The following FGFRL1 variants were observed in gnomAD, a reference collection of about 807,000 sequenced individuals.
FGFRL1 encodes fibroblast growth factor receptor-like 1.
A neutral mutation model predicts 36.8 loss-of-function variants in FGFRL1; 24 were observed. The observed-to-expected ratio is 0.65, with a 90% confidence interval of 0.47 to 0.92. The LOEUF is 0.92. Ranked by LOEUF, FGFRL1 falls within the 40% of genes least tolerant of loss-of-function variation. The probability of loss-of-function intolerance (pLI) is 0.00; values close to 1 mark genes in which losing one functional copy is unlikely to be tolerated. For missense variants in FGFRL1, 785 were observed against 753.4 expected (o/e 1.04, Z -0.49); for synonymous variants, 422 against 344.1 (o/e 1.23, Z -2.50).
rs377108343 is a variant in FGFRL1, at chr4:1,025,786, C to T, written c.*439C>T. The stretch of plus-strand genomic sequence containing the variant: ...CGCACACACGTGCAGATATGGTATC[C>T]GGACACACACGTGCACAGATATGCT... On this transcript the variant is annotated 3_prime_UTR_variant, in exon 7 of 7. Coordinates refer to ENST00000510644, the MANE Select transcript of FGFRL1 (RefSeq NM_001004356.3). The T allele has an allele frequency of 8.9e-4, 202 of 227,274 alleles. 4 individuals are homozygous for T. The highest frequency in any genetic ancestry group is 2.4e-4 in the Non-Finnish European group (28 of 119,100). 14.1% of individuals were successfully genotyped at this position (227,274 alleles called of 1,614,324 possible).
chr4:1,023,757 C>G lies in FGFRL1; in HGVS notation c.433+36C>G. 1.3e-6 allele frequency: 2 copies of G among 1,548,288 alleles called. No individual in the cohort carries two copies. The highest frequency in any genetic ancestry group is 1.7e-6 in the Non-Finnish European group (2 of 1,146,630). ...GGTGACGGGGGTGGGGGGCGTCCGT[C>G]TGTCCCGGCCCCTTGGCTGCATCCC... On this transcript the variant is annotated intron_variant, in intron 4 of 6. Coordinates refer to ENST00000510644, the MANE Select transcript of FGFRL1 (RefSeq NM_001004356.3). The surrounding 1 kb of genome is among the most constrained non-coding windows in gnomAD (Gnocchi z 6.0).
intron 2 of FGFRL1, among the ~76,000 whole-genome samples, chr4:1,018,072 C>T (rs1715986831): frequency 6.6e-6 from 1 of 152,168 alleles, no homozygotes; most frequent in Non-Finnish European, 1.5e-5. Context: ...GAGGGCACTT[C>T]AGATGGGGCA....
chr4:1,017,632 G>T (rs1715959104), intron 2 of FGFRL1, among the ~76,000 whole-genome samples: 1 of 152,210 alleles, frequency 6.6e-6, no homozygotes, highest in South Asian at 2.1e-4. Context: ...AGGGTGCACT[G>T]GAAAGTTGGA....
In FGFRL1 at chr4:1,025,853, C is replaced by T. The variant is rs756451035; in HGVS notation, c.*506C>T. 4.9e-5 allele frequency: 9 copies of T among 182,830 alleles called. No homozygotes were observed. Among genetic ancestry groups the T allele is most frequent in the South Asian group, 1.2e-4 (1 of 8,542 alleles). 11.3% of individuals were successfully genotyped at this position (182,830 alleles called of 1,614,324 possible). A position where few individuals can be genotyped will look rare whatever the true frequency, so the allele number is the denominator to read the frequency against. The stretch of plus-strand genomic sequence containing the variant: ...AATGCTGCCTTGACACACACATGCA[C>T]GGATATTGCCTGGACACACACACAC... On this transcript the variant is annotated 3_prime_UTR_variant, in exon 7 of 7. Coordinates refer to ENST00000510644, the MANE Select transcript of FGFRL1 (RefSeq NM_001004356.3).
intron 2 of FGFRL1, among the ~76,000 whole-genome samples, chr4:1,021,921 G>A (rs973277328): frequency 2.6e-5 from 4 of 152,204 alleles, no homozygotes; most frequent in African/African-American, 7.2e-5. Context: ...CTCCCTTCTC[G>A]TGTCTCAAAG....
chr4:1,013,914 G>T (rs1235886717), intron 2 of FGFRL1, among the ~76,000 whole-genome samples: 1 of 152,268 alleles, frequency 6.6e-6, no homozygotes, highest in African/African-American at 2.4e-5. Context: ...TCCAGCCCTG[G>T]CTTTGCGTGG....
In FGFRL1 at chr4:1,023,027, T is replaced by A. The variant is rs79489937; in HGVS notation, c.352+552T>A. Among the ~76,000 whole-genome samples, 785 of 151,572 alleles carry A rather than the reference T, an allele frequency of 5.2e-3. 3 individuals are homozygous for A. Among genetic ancestry groups the A allele is most frequent in the Middle Eastern group, 0.014 (4 of 294 alleles). On this transcript the variant is annotated intron_variant, in intron 3 of 6. Coordinates refer to ENST00000510644, the MANE Select transcript of FGFRL1 (RefSeq NM_001004356.3). This position sits in a 1 kb window ranked among gnomAD's most constrained non-coding sequence, Gnocchi z 6.0. ...GGCTGGCCCGTTTCTTTTTTTTTTT[T>A]AATTCTACTTTAAGTTTTAGGGTAC...
chr4:1,024,723 CGGCGTCCCACCCACCGGGTGG>C, intron 6 of FGFRL1, 59 bp downstream of exon 6: 1 of 1,506,662 alleles, frequency 6.6e-7, no homozygotes, highest in Non-Finnish European at 8.9e-7. Flanking sequence ...CCCCTGGGCC[CGGCGTCCCACCCACCGGGTGG>C]GGCCCCACCC....
chr4:1,024,769 G>C (rs559484454), intron 6 of FGFRL1, 105 bp downstream of exon 6: 2 of 1,403,196 alleles, frequency 1.4e-6, no homozygotes, highest in Non-Finnish European at 1.9e-6. Flanking sequence ...CTCCCGGGCC[G>C]TGCTGGCCAG....
At position 1,024,482 on chromosome 4, in the gene FGFRL1, A is replaced by T; in HGVS notation, c.890A>T (p.Asp297Val). 6.2e-7 allele frequency: 1 copy of T among 1,612,484 alleles called. No individual in the cohort carries two copies. Among genetic ancestry groups the T allele is most frequent in the Non-Finnish European group, 8.5e-7 (1 of 1,179,820 alleles). ...GAGGGCCGCCACAACTCCACCATCG[A>T]TGTGGGCGGCCAGAAGTTTGTGGTG... ...GAEGRHNSTI[D>V]VGGQKFVVLP... Residue 297 changes from aspartate to valine, a missense_variant, in exon 6 of 7, where the codon GAT (aspartate) becomes GTT (valine). By Grantham distance (152) the Asp-to-Val change is radical. Coordinates refer to ENST00000510644, the MANE Select transcript of FGFRL1 (RefSeq NM_001004356.3).
rs1008731793 is a variant in FGFRL1, at chr4:1,023,174, G to C, written c.353-467G>C. 3.3e-5 allele frequency among the ~76,000 whole-genome samples: 5 copies of C among 152,152 alleles called. No homozygotes were observed. The highest frequency in any genetic ancestry group is 7.4e-5 in the Non-Finnish European group (5 of 68,000). ...CGGCTGTCACAGGGTGGATGGAGGGGACATTCCACAGCACGCCCTGCCCCT... is the reference window on the plus strand; with the variant it reads ...CGGCTGTCACAGGGTGGATGGAGGGCACATTCCACAGCACGCCCTGCCCCT... On this transcript the variant is annotated intron_variant, in intron 3 of 6. Transcript: ENST00000510644. This position sits in a 1 kb window ranked among gnomAD's most constrained non-coding sequence, Gnocchi z 6.0.
In FGFRL1 at chr4:1,025,077, T is replaced by G; in HGVS notation, c.1245T>G (p.Pro415=). The change falls in exon 7 of 7, where the codon CCT becomes CCG. Residue 415 remains proline (P), a synonymous_variant. Coordinates refer to ENST00000510644, the MANE Select transcript of FGFRL1 (RefSeq NM_001004356.3). ...PCTPAPAPPL[P]GHRPPGTARD... The stretch of plus-strand genomic sequence containing the variant: ...CCCCCGCGCCTGCCCCTCCCCTGCC[T>G]GGGCACCGCCCGCCGGGGACGGCCC... The G allele has an allele frequency of 1.2e-6, 2 of 1,609,850 alleles. No individual in the cohort carries two copies. The highest frequency in any genetic ancestry group is 1.7e-4 in the Middle Eastern group (1 of 6,004).
chr4:1,019,248 G>C (rs561787470), intron 2 of FGFRL1, among the ~76,000 whole-genome samples: 1 of 151,720 alleles, frequency 6.6e-6, no homozygotes, highest in East Asian at 2.0e-4. Flanking sequence ...CCCCAGATGT[G>C]GGGGGCTGGG....
chr4:1,010,692 G>A (rs555444299), upstream of FGFRL1, among the ~76,000 whole-genome samples: 15 of 152,310 alleles, frequency 9.8e-5, no homozygotes, highest in South Asian at 4.1e-4. Flanking sequence ...GAGGCAGGAT[G>A]AGGGGAGGCC....
At chr4:1,022,642 T>C (rs1012716747) in intron 3 of FGFRL1, among the ~76,000 whole-genome samples, 167 bp downstream of exon 3, 3 of 152,006 alleles carry the variant, frequency 2.0e-5, no homozygotes, top group Non-Finnish European at 2.9e-5. Context: ...TCTGCCACCA[T>C]CCCCCAGGTA....
chr4:1,018,603 C>A (rs1275223960), intron 2 of FGFRL1, among the ~76,000 whole-genome samples: 1 of 152,140 alleles, frequency 6.6e-6, no homozygotes, highest in Non-Finnish European at 1.5e-5. Context: ...GGTGCACGGC[C>A]CCGGAGGTGG....
chr4:1,023,684 C>A lies in FGFRL1; in HGVS notation c.396C>A (p.Ser132=). The A allele has an allele frequency of 6.2e-7, 1 of 1,601,676 alleles. No homozygotes were observed. The highest frequency in any genetic ancestry group is 8.5e-7 in the Non-Finnish European group (1 of 1,176,314). ...AGGAGAGCCTGGGGCCCGACAGCTC[C>A]TCTGGGGGTCAAGAGGACCCCGCCA... ...PGKESLGPDS[S]SGGQEDPASQ... The change falls in exon 4 of 7, where the codon TCC becomes TCA. Residue 132 remains serine (S), a synonymous_variant. Coordinates refer to ENST00000510644, the MANE Select transcript of FGFRL1 (RefSeq NM_001004356.3). This position sits in a 1 kb window ranked among gnomAD's most constrained non-coding sequence, Gnocchi z 6.0.
rs1234888841 is a variant in FGFRL1, at chr4:1,025,540, GCA to G, written c.*200_*201del. 4.5e-5 allele frequency: 31 copies of G among 688,958 alleles called. No individual in the cohort carries two copies. Among genetic ancestry groups the G allele is most frequent in the South Asian group, 4.3e-4 (22 of 51,586 alleles). The allele number at this position is 688,958 out of a possible 1,614,324, so 42.7% of individuals were successfully genotyped here. On this transcript the variant is annotated 3_prime_UTR_variant, in exon 7 of 7. Transcript: ENST00000510644. ...ACACACACTGCCTGGATGCATGTATGCACACACATGCGCGCACACGTGCTCCC... is the reference window on the plus strand; with the variant it reads ...ACACACACTGCCTGGATGCATGTATGCACACATGCGCGCACACGTGCTCCC...
At chr4:1,014,160 T>C (rs537718291) in intron 2 of FGFRL1, among the ~76,000 whole-genome samples, 5 of 152,348 alleles carry the variant, frequency 3.3e-5, no homozygotes, top group Admixed American at 2.0e-4. Context: ...TGAAAAGCCA[T>C]TTCCCGCTGG....
Sources: allele counts gnomAD v4.1 joint callset (sites outside exome capture counted in the v4.1 genomes callset), GRCh38; gene constraint gnomAD v4.1.1; non-coding constraint Gnocchi (gnomAD v3.1); transcripts MANE v1.5; gene names NCBI Gene and HGNC (gene_info 2026-07-23, HGNC 2026-07-21).